Variants in THSD7B observed in about 807,000 individuals in gnomAD.
THSD7B encodes thrombospondin type 1 domain containing 7B.
In THSD7B, 138 loss-of-function variants were observed where a neutral mutation model predicts 213.6. The ratio of observed to expected loss-of-function variants is 0.65; its 90% CI spans 0.56 to 0.74. The LOEUF is 0.74. Ranked by LOEUF, THSD7B falls within the 30% of genes least tolerant of loss-of-function variation. The pLI is 0.00. For synonymous variants in THSD7B, 742 were observed against 687.0 expected (o/e 1.08, Z -1.25); for missense variants, 1,931 against 1,991.5 (o/e 0.97, Z 0.58).
At chr2:137,619,670 A>T (rs1310798491) in intron 19 of THSD7B, among the ~76,000 whole-genome samples, 10 of 152,242 alleles carry the variant, frequency 6.6e-5, no homozygotes, top group Non-Finnish European at 1.5e-4. Flanking sequence ...ATACAAAAAG[A>T]TATAAACTAT....
intron 14 of THSD7B, among the ~76,000 whole-genome samples, chr2:137,445,711 C>A (rs1034469167): frequency 6.6e-6 from 1 of 151,814 alleles, no homozygotes; most frequent in Admixed American, 6.6e-5. Flanking sequence ...CACAATAGGG[C>A]AACTATAGAT....
Position 137,663,373 on chromosome 2 carries a change from T to C in THSD7B, c.4459-10T>C. On this transcript the variant is annotated splice_polypyrimidine_tract_variant and intron_variant, in intron 25 of 27. Coordinates refer to ENST00000409968, the MANE Select transcript of THSD7B (RefSeq NM_001316349.2). ...ACTGTGTAACCATAAAAATATTCTTTATGCTGTAGGGTGGAGTCTGTGGTT... is the reference window on the plus strand; with the variant it reads ...ACTGTGTAACCATAAAAATATTCTTCATGCTGTAGGGTGGAGTCTGTGGTT... The C allele has an allele frequency of 6.5e-7, 1 of 1,535,332 alleles. No individual in the cohort carries two copies. The highest frequency in any genetic ancestry group is 8.8e-7 in the Non-Finnish European group (1 of 1,142,458).
chr2:137,113,344 A>T (rs960302231), intron 4 of THSD7B, among the ~76,000 whole-genome samples: 1 of 152,184 alleles, frequency 6.6e-6, no homozygotes, highest in East Asian at 1.9e-4. Flanking sequence ...CTGGAAAAGA[A>T]CTATCCCTGT....
chr2:136,964,114 A>G (rs1274112953), intron 2 of THSD7B, among the ~76,000 whole-genome samples: 3 of 152,228 alleles, frequency 2.0e-5, no homozygotes, highest in Non-Finnish European at 4.4e-5. Context: ...TTCCCACAGG[A>G]ACAAGATTTT....
At chr2:137,229,502 G>A (rs190936010) in intron 7 of THSD7B, among the ~76,000 whole-genome samples, 2 of 152,262 alleles carry the variant, frequency 1.3e-5, no homozygotes, top group African/African-American at 4.8e-5. Flanking sequence ...AGCTTTATTT[G>A]TACCTCAAGG....
At chr2:137,289,835 T>C (rs1683280285) in intron 12 of THSD7B, among the ~76,000 whole-genome samples, 2 of 151,848 alleles carry the variant, frequency 1.3e-5, no homozygotes, top group Admixed American at 1.3e-4. Context: ...ACTGAAGGTG[T>C]TCGAGAGGGA....
chr2:136,917,913 C>T (rs1160092566), intron 2 of THSD7B, among the ~76,000 whole-genome samples: 1 of 152,114 alleles, frequency 6.6e-6, no homozygotes, highest in African/African-American at 2.4e-5. Context: ...AATATACTGG[C>T]TTAGGGTTAG....
intron 12 of THSD7B, among the ~76,000 whole-genome samples, chr2:137,388,423 G>T (rs915593617): frequency 1.3e-5 from 2 of 151,678 alleles, no homozygotes; most frequent in African/African-American, 4.8e-5. Context: ...TTTTTGTGGG[G>T]TACCTATGAT....
chr2:137,233,124 T>A lies in THSD7B; in HGVS notation c.2141T>A (p.Met714Lys), dbSNP rs1681681229. Residue 714 changes from methionine to lysine, a missense_variant, in exon 9 of 28, where the codon ATG becomes AAG. By Grantham distance (95) the Met-to-Lys change is moderately conservative. Transcript: ENST00000409968. Reference sequence around the variant, plus strand: ...GTCAAGAGTCACGTGGGACAAGTAATGACCAAAAGGTATTTATTAGGCTGT... The same window carrying A: ...GTCAAGAGTCACGTGGGACAAGTAAAGACCAAAAGGTATTTATTAGGCTGT... ...FCVKSHVGQV[M>K]TKRCPDSTRP... is the part of the protein sequence containing the mutation. 1.2e-6 allele frequency: 2 copies of A among 1,612,972 alleles called. No individual in the cohort carries two copies. The highest frequency in any genetic ancestry group is 1.7e-6 in the Non-Finnish European group (2 of 1,179,448).
intron 15 of THSD7B, among the ~76,000 whole-genome samples, chr2:137,558,923 GACAA>G (rs1460378077): frequency 6.6e-6 from 1 of 152,028 alleles, no homozygotes; most frequent in African/African-American, 2.4e-5. Flanking sequence ...ACCAATAACA[GACAA>G]ACAGAGAGCC....
intron 15 of THSD7B, among the ~76,000 whole-genome samples, chr2:137,526,781 TGTG>T (rs1408176080): frequency 6.6e-6 from 1 of 152,168 alleles, no homozygotes; most frequent in African/African-American, 2.4e-5. Context: ...TAATAATAAA[TGTG>T]GTGCACAGTG....
intron 12 of THSD7B, among the ~76,000 whole-genome samples, chr2:137,377,362 A>G (rs1431712806): frequency 6.6e-6 from 1 of 152,344 alleles, no homozygotes; most frequent in East Asian, 1.9e-4. Context: ...AAAGAACTGC[A>G]TTAATGACAA....
chr2:137,587,650 G>A (rs1055073591), intron 17 of THSD7B, among the ~76,000 whole-genome samples: 14 of 152,210 alleles, frequency 9.2e-5, no homozygotes, highest in South Asian at 4.1e-4. Context: ...GCAGAACAGC[G>A]AATATTGCTG....
At chr2:137,123,416 G>T (rs1178002558) in intron 5 of THSD7B, among the ~76,000 whole-genome samples, 1 of 152,144 alleles carries the variant, frequency 6.6e-6, no homozygotes, top group Non-Finnish European at 1.5e-5. Context: ...CAAAAACACA[G>T]ATCTGCTGAG....
intron 1 of THSD7B, among the ~76,000 whole-genome samples, chr2:136,874,521 A>G (rs945027666): frequency 6.6e-6 from 1 of 152,178 alleles, no homozygotes; most frequent in African/African-American, 2.4e-5. Context: ...TCTCCCACTC[A>G]TTGCTGTTTC....
At chr2:137,518,028 G>A (rs1289658528) in intron 15 of THSD7B, among the ~76,000 whole-genome samples, 3 of 151,648 alleles carry the variant, frequency 2.0e-5, no homozygotes, top group African/African-American at 7.3e-5. Context: ...TCAAATGGAA[G>A]TGGTTGGGCT....
chr2:137,138,559 G>C (rs1475220134), intron 5 of THSD7B, among the ~76,000 whole-genome samples: 2 of 152,066 alleles, frequency 1.3e-5, no homozygotes, highest in Non-Finnish European at 2.9e-5. Flanking sequence ...CATTATAGAG[G>C]GTTGTGATGG....
intron 2 of THSD7B, among the ~76,000 whole-genome samples, chr2:136,929,593 T>C: frequency 6.6e-6 from 1 of 152,186 alleles, no homozygotes; most frequent in African/African-American, 2.4e-5. Flanking sequence ...CAACCACTGA[T>C]GTCAGCTCAA....
intron 15 of THSD7B, among the ~76,000 whole-genome samples, chr2:137,544,381 T>G (rs548350971): frequency 6.6e-6 from 1 of 151,972 alleles, no homozygotes; most frequent in East Asian, 1.9e-4. Flanking sequence ...TATATGAAAT[T>G]TCCAGAATAG....
Sources: gnomAD v4.1 joint callset for allele counts (sites outside exome capture counted in the v4.1 genomes callset) on GRCh38, gnomAD v4.1.1 for gene constraint, MANE v1.5 for transcripts, NCBI Gene and HGNC (gene_info 2026-07-23, HGNC 2026-07-21) for gene names.